KLRG1: variants seen among roughly 807,000 people sequenced by gnomAD.
The protein encoded by KLRG1 is killer cell lectin like receptor G1, also known as killer cell lectin-like receptor subfamily G member 1.
In KLRG1, 16 loss-of-function variants were observed where a neutral mutation model predicts 21.8. The ratio of observed to expected loss-of-function variants is 0.73; its 90% CI spans 0.50 to 1.11. KLRG1 has a LOEUF of 1.11. Ranked by LOEUF, KLRG1 falls within the 50% of genes most tolerant of loss-of-function variation. KLRG1 has a pLI of 0.00. For missense variants in KLRG1, 173 were observed against 218.3 expected (o/e 0.79, Z 1.31); for synonymous variants, 69 against 75.9 (o/e 0.91, Z 0.47).
chr12:8,967,444 G>A lies in KLRG1; in HGVS notation c.-156+17208G>A, dbSNP rs776008815. Among the ~76,000 whole-genome samples the A allele has an allele frequency of 2.0e-5, 3 of 152,216 alleles. No homozygotes were observed. The South Asian group carries it at 6.2e-4, about 32-fold the overall frequency. ...TCTCTAAAAAATTAATAACCAGGCTGGGCCAGGTGGCTGACACCTGTAATC... is the reference window on the plus strand; with the variant it reads ...TCTCTAAAAAATTAATAACCAGGCTAGGCCAGGTGGCTGACACCTGTAATC... On this transcript the variant is annotated intron_variant, in intron 1 of 4. Coordinates refer to the KLRG1 transcript ENST00000539240.
the KLRG1 span, among the ~76,000 whole-genome samples, chr12:9,184,250 A>T: frequency 6.6e-6 from 1 of 151,984 alleles, no homozygotes. Flanking sequence ...AAGCTCGCCA[A>T]CCCCACCCCT....
At chr12:9,168,960 C>T in the KLRG1 span, 2 of 1,613,160 alleles carry the variant, frequency 1.2e-6, no homozygotes. Context: ...TAGTGAACAC[C>T]TTCAATCCCA....
chr12:9,144,048 G>A, the KLRG1 span, among the ~76,000 whole-genome samples: 14 of 152,166 alleles, frequency 9.2e-5, no homozygotes, highest in East Asian at 7.7e-4. Flanking sequence ...TGACTTTCCC[G>A]GGTACCATGA....
the KLRG1 span, among the ~76,000 whole-genome samples, chr12:9,208,925 C>G: frequency 6.6e-6 from 1 of 152,136 alleles, no homozygotes; most frequent in Admixed American, 6.5e-5. Context: ...AAGGAGTTAT[C>G]AAAGATCACA....
upstream of KLRG1, among the ~76,000 whole-genome samples, chr12:8,985,120 A>G (rs899348825): frequency 3.3e-4 from 49 of 150,442 alleles, 1 homozygote; most frequent in African/African-American, 1.1e-3. Flanking sequence ...ACCACATTAC[A>G]TCTAGTTGTT....
the KLRG1 span, chr12:9,148,704 C>A: frequency 2.0e-3 from 775 of 383,192 alleles, 2 homozygotes; most frequent in African/African-American, 0.014. Flanking sequence ...TCTTTACCTG[C>A]AACCTCCACT....
At chr12:9,097,658 A>G in the KLRG1 span, among the ~76,000 whole-genome samples, 1 of 114,550 alleles carries the variant, frequency 8.7e-6, no homozygotes. Context: ...TTTTGACACC[A>G]AGTCTTGCTC....
At chr12:9,058,469 G>C in the KLRG1 span, 2 of 151,354 alleles carry the variant, frequency 1.3e-5, no homozygotes, top group Non-Finnish European at 2.9e-5. Flanking sequence ...AAACATATAT[G>C]TTTTAATATA....
At chr12:9,068,234 A>C in the KLRG1 span, 7 of 1,605,728 alleles carry the variant, frequency 4.4e-6, no homozygotes, top group Non-Finnish European at 5.9e-6. Flanking sequence ...TCTGAAAAAA[A>C]AAAAACCAAC....
At chr12:9,099,308 T>C in the KLRG1 span, 2 of 1,417,148 alleles carry the variant, frequency 1.4e-6, no homozygotes. Context: ...AATGTTCACA[T>C]GTGTAAAACA....
the KLRG1 span, chr12:9,077,862 C>T: frequency 1.9e-6 from 3 of 1,613,990 alleles, no homozygotes; most frequent in Non-Finnish European, 1.7e-6. Context: ...GTGAGCCTGA[C>T]CAGGGAGGAA....
chr12:9,110,729 A>G, the KLRG1 span, among the ~76,000 whole-genome samples: 1 of 152,118 alleles, frequency 6.6e-6, no homozygotes, highest in South Asian at 2.1e-4. Context: ...AAAAAGTTTA[A>G]AAAATCTAAA....
chr12:9,194,117 A>G, the KLRG1 span: 1 of 1,614,042 alleles, frequency 6.2e-7, no homozygotes, highest in Non-Finnish European at 8.5e-7. Context: ...GGTAGTATTG[A>G]TTGAAAACTG....
chr12:9,075,425 A>AT, the KLRG1 span, among the ~76,000 whole-genome samples: 1 of 152,092 alleles, frequency 6.6e-6, no homozygotes, highest in East Asian at 1.9e-4. Flanking sequence ...TCATTGCAGC[A>AT]TTTTTTTTAA....
At position 8,982,708 on chromosome 12, in the gene KLRG1, C is replaced by T. The variant is rs143261159; in HGVS notation, c.-155-9498C>T. On this transcript the variant is annotated intron_variant, in intron 1 of 4. Coordinates refer to the KLRG1 transcript ENST00000539240. ...TTGTCCAGGCTGGAGTGCAATGGTG[C>T]GATCTTGGCTCACTGCAACCTCCAC... is the stretch of plus-strand genomic sequence containing the variant. Among the ~76,000 whole-genome samples, 815 of 143,922 alleles carry T rather than the reference C, an allele frequency of 5.7e-3. 7 individuals carry two copies. Among genetic ancestry groups the T allele is most frequent in the African/African-American group, 0.02 (775 of 38,644 alleles). 94.4% of individuals were successfully genotyped at this position (143,922 alleles called of 152,430 possible). A position where few individuals can be genotyped will look rare whatever the true frequency, so the allele number is the denominator to read the frequency against.
At chr12:9,145,522 G>A in the KLRG1 span, among the ~76,000 whole-genome samples, 3 of 152,062 alleles carry the variant, frequency 2.0e-5, no homozygotes, top group Non-Finnish European at 4.4e-5. Flanking sequence ...ACATATTTTA[G>A]TTTGTTATTT....
the KLRG1 span, among the ~76,000 whole-genome samples, chr12:9,143,220 G>T: frequency 6.6e-6 from 1 of 152,194 alleles, no homozygotes; most frequent in Non-Finnish European, 1.5e-5. Flanking sequence ...AAGATCCAAG[G>T]TGCTGTTTAA....
At chr12:9,186,347 C>T in the KLRG1 span, among the ~76,000 whole-genome samples, 518 of 152,248 alleles carry the variant, frequency 3.4e-3, 8 homozygotes, top group Middle Eastern at 0.01. Flanking sequence ...AGCAGTTACA[C>T]AAACAAGTTG....
chr12:9,113,105 C>CTTTTTTT, the KLRG1 span, among the ~76,000 whole-genome samples: 1 of 143,852 alleles, frequency 7.0e-6, no homozygotes. Flanking sequence ...GTCACATTTT[C>CTTTTTTT]TTTTTTTTTT....
Sources: gnomAD v4.1 joint callset for allele counts (sites outside exome capture counted in the v4.1 genomes callset) on GRCh38, gnomAD v4.1.1 for gene constraint, MANE v1.5 for transcripts, NCBI Gene and HGNC (gene_info 2026-07-23, HGNC 2026-07-21) for gene names.